The following OXR1 variants were observed in gnomAD, a reference collection of about 807,000 sequenced individuals.
OXR1 encodes oxidation resistance protein 1.
Under a neutral mutation model 104.6 loss-of-function variants are expected in OXR1, and 41 were observed. The ratio of observed to expected loss-of-function variants is 0.39; its 90% CI spans 0.31 to 0.51. The LOEUF (loss-of-function observed/expected upper bound fraction) is 0.51, where lower values mean the gene tolerates loss of function less well. Among genes scored for constraint, OXR1 ranks in the 20% least tolerant of loss-of-function variants. The pLI is 0.77. For missense variants in OXR1, 955 were observed against 1,031.9 expected (o/e 0.93, Z 1.02); for synonymous variants, 348 against 348.4 (o/e 1.00, Z 0.01).
intron 3 of OXR1, among the ~76,000 whole-genome samples, chr8:106,661,042 G>C (rs1825713426): frequency 6.6e-6 from 1 of 151,784 alleles, no homozygotes; most frequent in African/African-American, 2.4e-5. Context: ...GCCAGGCATG[G>C]TGGCACACTC....
chr8:106,555,441 A>T (rs764345893), intron 3 of OXR1, among the ~76,000 whole-genome samples: 5 of 152,176 alleles, frequency 3.3e-5, no homozygotes, highest in Non-Finnish European at 5.9e-5. Context: ...GAAGTATTAT[A>T]TGCTGTCTAG....
chr8:106,569,066 A>G (rs1245363788), intron 3 of OXR1, among the ~76,000 whole-genome samples: 6 of 152,138 alleles, frequency 3.9e-5, no homozygotes, highest in Non-Finnish European at 7.4e-5. Context: ...AGTATATTCC[A>G]TATATCTTTT....
intron 16 of OXR1, among the ~76,000 whole-genome samples, chr8:106,747,923 T>C (rs1835527963): frequency 6.6e-6 from 1 of 152,202 alleles, no homozygotes; most frequent in African/African-American, 2.4e-5. Context: ...TCATCTGAGA[T>C]TACAACTAGA....
intron 9 of OXR1, among the ~76,000 whole-genome samples, chr8:106,708,055 C>T (rs1831317756): frequency 1.3e-5 from 2 of 152,026 alleles, no homozygotes; most frequent in South Asian, 4.1e-4. Context: ...TGTCCATTTC[C>T]AGAGCTTTTT....
intron 2 of OXR1, among the ~76,000 whole-genome samples, chr8:106,454,016 AG>A (rs1343991015): frequency 6.6e-6 from 1 of 152,212 alleles, no homozygotes; most frequent in Non-Finnish European, 1.5e-5. Flanking sequence ...TCAGGAAAAA[AG>A]ATTTTATTAT....
chr8:106,471,381 C>A (rs1171083807), intron 2 of OXR1, among the ~76,000 whole-genome samples: 2 of 151,674 alleles, frequency 1.3e-5, no homozygotes, highest in African/African-American at 4.8e-5. Flanking sequence ...TGTAGCAGCC[C>A]ATTGCCTATT....
At chr8:106,695,504 G>A (rs1439055029) in intron 7 of OXR1, among the ~76,000 whole-genome samples, 2 of 149,572 alleles carry the variant, frequency 1.3e-5, no homozygotes, top group East Asian at 3.9e-4. Flanking sequence ...TGCAACTTCC[G>A]CCTCCCAGGT....
Position 106,544,260 on chromosome 8 carries a change from A to G in OXR1, c.220+25121A>G, listed in dbSNP as rs976209517. On this transcript the variant is annotated intron_variant, in intron 3 of 16. Transcript: ENST00000517566. ...GGTGTTCTTGTCAAGGCATAAATCC[A>G]AAGGGAGGCAGATGTGCAACACACA... Among the ~76,000 whole-genome samples, 3 of 150,642 alleles carry G rather than the reference A, an allele frequency of 2.0e-5. No individual in the cohort carries two copies. In the South Asian group the frequency reaches 6.3e-4, roughly 32 times the overall value.
At chr8:106,586,436 C>T (rs1344353976) in intron 3 of OXR1, among the ~76,000 whole-genome samples, 1 of 152,094 alleles carries the variant, frequency 6.6e-6, no homozygotes, top group East Asian at 1.9e-4. Flanking sequence ...GAAGGTGGCA[C>T]AGGTTTGCAG....
intron 2 of OXR1, among the ~76,000 whole-genome samples, chr8:106,362,775 G>A (rs549161532): frequency 3.1e-4 from 47 of 152,286 alleles, no homozygotes; most frequent in African/African-American, 1.1e-3. Context: ...TAATCTGAGG[G>A]AAAGAATTGT....
chr8:106,392,073 A>G (rs1019667956), intron 2 of OXR1, among the ~76,000 whole-genome samples: 1 of 152,198 alleles, frequency 6.6e-6, no homozygotes, highest in Non-Finnish European at 1.5e-5. Flanking sequence ...GCATGAACCT[A>G]TGTGCATCTG....
At chr8:106,670,426 A>C (rs1826819972) in intron 3 of OXR1, among the ~76,000 whole-genome samples, 1 of 152,194 alleles carries the variant, frequency 6.6e-6, no homozygotes, top group African/African-American at 2.4e-5. Context: ...CTGCACACAA[A>C]ATAGGCACAT....
chr8:106,420,066 A>C (rs1818842255), intron 2 of OXR1, among the ~76,000 whole-genome samples: 1 of 152,150 alleles, frequency 6.6e-6, no homozygotes, highest in Admixed American at 6.6e-5. Context: ...TTAAGTATAA[A>C]CATGTATGAA....
chr8:106,592,438 T>A (rs964469025), intron 3 of OXR1, among the ~76,000 whole-genome samples: 1 of 152,180 alleles, frequency 6.6e-6, no homozygotes, highest in Non-Finnish European at 1.5e-5. Context: ...TGCAAATAGC[T>A]ACTTCACTTT....
chr8:106,629,245 T>C (rs1479569068), intron 3 of OXR1, among the ~76,000 whole-genome samples: 1 of 152,154 alleles, frequency 6.6e-6, no homozygotes, highest in Non-Finnish European at 1.5e-5. Context: ...GTCTGTTTTT[T>C]TTTTTCCTCA....
chr8:106,385,411 C>A (rs1398088374), intron 2 of OXR1, among the ~76,000 whole-genome samples: 1 of 152,008 alleles, frequency 6.6e-6, no homozygotes, highest in African/African-American at 2.4e-5. Context: ...AAAGATGCAC[C>A]CAGATCTTAG....
In OXR1 at chr8:106,564,426, C is replaced by G. The variant is rs560228626; in HGVS notation, c.220+45287C>G. 5.3e-5 allele frequency among the ~76,000 whole-genome samples: 8 copies of G among 151,728 alleles called. No homozygotes were observed. The South Asian group carries it at 1.5e-3, about 28-fold the overall frequency. On this transcript the variant is annotated intron_variant, in intron 3 of 16. Transcript: ENST00000517566. ...CTGGACACATACACACACACACCCCCGCCCCACCACGACTAAAATCCCTGA... is the reference window on the plus strand; with the variant it reads ...CTGGACACATACACACACACACCCCGGCCCCACCACGACTAAAATCCCTGA...
At chr8:106,668,578 A>T (rs1826595913) in intron 3 of OXR1, among the ~76,000 whole-genome samples, 1 of 152,200 alleles carries the variant, frequency 6.6e-6, no homozygotes, top group African/African-American at 2.4e-5. Context: ...TTTTGGCTCC[A>T]AACACTTCCA....
At chr8:106,367,274 A>G (rs1020441144) in intron 2 of OXR1, among the ~76,000 whole-genome samples, 2 of 152,006 alleles carry the variant, frequency 1.3e-5, no homozygotes, top group African/African-American at 4.8e-5. Context: ...TGTGTTAGCC[A>G]GGACAGTCTC....
Sources: gnomAD v4.1 joint callset for allele counts (sites outside exome capture counted in the v4.1 genomes callset) on GRCh38, gnomAD v4.1.1 for gene constraint, MANE v1.5 for transcripts, NCBI Gene and HGNC (gene_info 2026-07-23, HGNC 2026-07-21) for gene names.